Variants in DCAF8L2 observed in about 807,000 individuals in gnomAD.
The protein encoded by DCAF8L2 is DDB1 and CUL4 associated factor 8 like 2, also known as DDB1- and CUL4-associated factor 8-like protein 2.
For synonymous variants in DCAF8L2, 200 were observed against 190.9 expected, an observed-to-expected ratio of 1.05 and a Z score of -0.39; for missense variants, 430 against 490.7, an observed-to-expected ratio of 0.88 and a Z score of 1.17.
chrX:27,690,724 C>A (rs750658564), intron 3 of DCAF8L2, among the ~76,000 whole-genome samples: 2 of 111,512 alleles, frequency 1.8e-5, no homozygotes, highest in African/African-American at 3.3e-5. Flanking sequence ...TTGTTTCTAC[C>A]GTGCCCTTCA....
At chrX:27,672,645 T>C (rs1929989519) in intron 2 of DCAF8L2, among the ~76,000 whole-genome samples, 1 of 111,775 alleles carries the variant, frequency 8.9e-6, no homozygotes, top group Admixed American at 9.6e-5. Flanking sequence ...TTTGAGAAAA[T>C]GGCCTTCACC....
intron 1 of DCAF8L2, among the ~76,000 whole-genome samples, chrX:27,621,518 G>A (rs1335585434): frequency 9.0e-6 from 1 of 111,250 alleles, no homozygotes. Context: ...CCACAGTAAA[G>A]GAAAAAAGTG....
chrX:27,527,463 T>A, the DCAF8L2 span, among the ~76,000 whole-genome samples: 1 of 110,898 alleles, frequency 9.0e-6, no homozygotes, highest in African/African-American at 3.3e-5. Flanking sequence ...CCTGACCCCT[T>A]TTGCTTCCTG....
chrX:27,527,681 C>T, the DCAF8L2 span, among the ~76,000 whole-genome samples: 4 of 108,854 alleles, frequency 3.7e-5, no homozygotes, highest in Admixed American at 3.0e-4. Flanking sequence ...TTTTTTTTTC[C>T]GCTCATGTCA....
intron 2 of DCAF8L2, among the ~76,000 whole-genome samples, chrX:27,643,395 T>C (rs769165325): frequency 2.0e-5 from 2 of 100,865 alleles, no homozygotes; most frequent in Non-Finnish European, 3.9e-5. Context: ...AATGTCTATG[T>C]ATGTTTGTTG....
chrX:27,624,128 C>A (rs1442716188), intron 1 of DCAF8L2, among the ~76,000 whole-genome samples: 1 of 111,834 alleles, frequency 8.9e-6, no homozygotes, highest in Non-Finnish European at 1.9e-5. Flanking sequence ...GTTCTTCTGA[C>A]TCTAAGACCA....
intron 1 of DCAF8L2, among the ~76,000 whole-genome samples, chrX:27,631,487 G>A (rs1216531817): frequency 8.9e-6 from 1 of 112,448 alleles, no homozygotes; most frequent in Non-Finnish European, 1.9e-5. Context: ...GCCACGTGTG[G>A]CTATAAAGCA....
chrX:27,555,778 G>C, the DCAF8L2 span, among the ~76,000 whole-genome samples: 7 of 111,520 alleles, frequency 6.3e-5, no homozygotes, highest in African/African-American at 2.3e-4. Context: ...GTGAGTTTGG[G>C]AGCATCCAGT....
At chrX:27,665,812 T>C (rs931196530) in intron 2 of DCAF8L2, among the ~76,000 whole-genome samples, 5 of 111,974 alleles carry the variant, frequency 4.5e-5, no homozygotes, top group Non-Finnish European at 9.4e-5. Context: ...TAGCAATTAT[T>C]TAGCAATACA....
the DCAF8L2 span, among the ~76,000 whole-genome samples, chrX:27,545,738 T>C: frequency 8.9e-6 from 1 of 111,807 alleles, no homozygotes; most frequent in Admixed American, 9.5e-5. Flanking sequence ...TGACTCCCAG[T>C]TCCACATGGC....
the DCAF8L2 span, among the ~76,000 whole-genome samples, chrX:27,583,101 T>A: frequency 8.9e-6 from 1 of 111,736 alleles, no homozygotes; most frequent in Admixed American, 9.6e-5. Flanking sequence ...CTATGCCTTC[T>A]TCCCTATTTA....
At chrX:27,527,693 C>G in the DCAF8L2 span, among the ~76,000 whole-genome samples, 1 of 109,863 alleles carries the variant, frequency 9.1e-6, no homozygotes, top group Non-Finnish European at 1.9e-5. Flanking sequence ...CTCATGTCAC[C>G]CAGGCTTGAG....
the DCAF8L2 span, among the ~76,000 whole-genome samples, chrX:27,547,839 C>T: frequency 6.5e-5 from 6 of 91,919 alleles, no homozygotes; most frequent in Non-Finnish European, 1.3e-4. Flanking sequence ...CTCTCTCTCT[C>T]TCTCTTTCTC....
At chrX:27,516,786 G>C in the DCAF8L2 span, among the ~76,000 whole-genome samples, 3 of 111,799 alleles carry the variant, frequency 2.7e-5, no homozygotes, top group African/African-American at 9.7e-5. Context: ...GTAGTAGTGA[G>C]GTAGTATTGT....
the DCAF8L2 span, among the ~76,000 whole-genome samples, chrX:27,473,416 T>C: frequency 9.0e-6 from 1 of 111,184 alleles, no homozygotes; most frequent in Admixed American, 9.6e-5. Flanking sequence ...CTTACATCAG[T>C]GAGATTCTTT....
At chrX:27,711,291 A>G in intron 3 of DCAF8L2, among the ~76,000 whole-genome samples, 1 of 110,225 alleles carries the variant, frequency 9.1e-6, no homozygotes, top group Non-Finnish European at 1.9e-5. Flanking sequence ...ATTTCACTTA[A>G]TATAATGTCT....
rs1376980399 is a variant in DCAF8L2 at position 27,749,186 on chromosome X, T to C, written c.*395T>C. ...AGTCTGAAAACGGTTACCTTTTTAC[T>C]TTTTTTCATCTTTAACAATTTTTTC... On this transcript the variant is annotated 3_prime_UTR_variant, in exon 5 of 5. Transcript: ENST00000451261. 8.9e-6 allele frequency among the ~76,000 whole-genome samples: 1 copy of C among 112,078 alleles called. No homozygotes were observed. Among genetic ancestry groups the C allele is most frequent in the Non-Finnish European group, 1.9e-5 (1 of 53,293 alleles).
the DCAF8L2 span, among the ~76,000 whole-genome samples, chrX:27,555,588 C>T: frequency 8.9e-6 from 1 of 112,219 alleles, no homozygotes; most frequent in East Asian, 2.8e-4. Context: ...GTTATTTATT[C>T]CATCTCAGTT....
At chrX:27,686,848 C>A (rs1014580392) in intron 3 of DCAF8L2, among the ~76,000 whole-genome samples, 1 of 112,143 alleles carries the variant, frequency 8.9e-6, no homozygotes, top group African/African-American at 3.2e-5. Flanking sequence ...GGGGTGGTTT[C>A]AAGATGAAAC....
Sources: allele counts gnomAD v4.1 joint callset (sites outside exome capture counted in the v4.1 genomes callset), GRCh38; gene constraint gnomAD v4.1.1; transcripts MANE v1.5; gene names NCBI Gene and HGNC (gene_info 2026-07-23, HGNC 2026-07-21).